Variants in NSMAF observed in about 807,000 individuals in gnomAD.
NSMAF encodes the protein protein FAN.
Under a neutral mutation model 134.9 loss-of-function variants are expected in NSMAF, and 90 were observed. The observed-to-expected ratio is 0.67, with a 90% CI of 0.56 to 0.79. The LOEUF (loss-of-function observed/expected upper bound fraction) is 0.79. Among genes scored for constraint, NSMAF ranks in the 30% least tolerant of loss-of-function variants. The probability of loss-of-function intolerance (pLI) is 0.00; values close to 1 mark genes in which losing one functional copy is unlikely to be tolerated. For missense variants in NSMAF, 1,010 were observed against 1,119.0 expected, an observed-to-expected ratio of 0.90 and a Z score of 1.39; for synonymous variants, 358 against 389.6, an observed-to-expected ratio of 0.92 and a Z score of 0.96.
intron 1 of NSMAF, among the ~76,000 whole-genome samples, 173 bp from the exon 2 acceptor site, chr8:58,643,246 T>C (rs957984997): frequency 1.3e-5 from 2 of 152,232 alleles, no homozygotes; most frequent in Non-Finnish European, 2.9e-5. Context: ...GGGAAGTACA[T>C]AGCTGGGCTT....
At chr8:58,589,884 C>T in intron 25 of NSMAF, 123 bp downstream of exon 25, 1 of 758,276 alleles carries the variant, frequency 1.3e-6, no homozygotes, top group South Asian at 1.8e-5. Flanking sequence ...TCTCTAATAT[C>T]TGTTCCCTTT....
chr8:58,643,236 G>A lies in NSMAF; in HGVS notation c.60-163C>T, dbSNP rs1274163373. ...CAGGCAGTCCTCTCTACCCAGTGGC[G>A]GGAAGTACATAGCTGGGCTTGCCTT... On this transcript the variant is annotated intron_variant, in intron 1 of 30. Coordinates refer to ENST00000038176, the MANE Select transcript of NSMAF (RefSeq NM_003580.4). Among the ~76,000 whole-genome samples, 4 of 152,152 alleles carry A rather than the reference G, an allele frequency of 2.6e-5. No homozygotes were observed. In the South Asian group the frequency reaches 6.2e-4, roughly 24 times the overall value.
intron 5 of NSMAF, among the ~76,000 whole-genome samples, chr8:58,633,442 G>A (rs538901123): frequency 6.6e-6 from 1 of 152,208 alleles, no homozygotes; most frequent in Non-Finnish European, 1.5e-5. Context: ...TCTTTCTAAA[G>A]CAGCATGAGA....
rs538537587 is a variant in NSMAF, at chr8:58,649,181, T to C, written c.60-6108A>G. 3.2e-4 allele frequency among the ~76,000 whole-genome samples: 48 copies of C among 152,240 alleles called. 1 individual carries two copies. In the South Asian group the frequency reaches 9.3e-3, roughly 30 times the overall value. ...GTGTGGGACAAGGAGTCATAGGAGA[T>C]TATTGTGGAGTTTTAAGATTTAATG... is the stretch of plus-strand genomic sequence containing the variant. On this transcript the variant is annotated intron_variant, in intron 1 of 30. Transcript: ENST00000038176.
chr8:58,625,854 T>C (rs1806917235), intron 6 of NSMAF, among the ~76,000 whole-genome samples: 2 of 152,204 alleles, frequency 1.3e-5, no homozygotes, highest in African/African-American at 4.8e-5. Context: ...TCTTTTGTCC[T>C]CTATCTTCCT....
chr8:58,655,678 C>T (rs976978216), intron 1 of NSMAF, among the ~76,000 whole-genome samples: 8 of 152,018 alleles, frequency 5.3e-5, no homozygotes, highest in East Asian at 1.9e-4. Flanking sequence ...GAGGCCGAGG[C>T]GGGCGGATCA....
rs150970885 is a variant in NSMAF, at chr8:58,610,769, G to T, written c.558-1036C>A. On this transcript the variant is annotated intron_variant, in intron 9 of 30. Coordinates refer to ENST00000038176, the MANE Select transcript of NSMAF (RefSeq NM_003580.4). ...AGATCCAAAAATGCTGTCGACTGAG[G>T]TGCAAAACAAGGGAAATCTCCCACA... is the stretch of plus-strand genomic sequence containing the variant. 4.7e-4 allele frequency among the ~76,000 whole-genome samples: 71 copies of T among 152,308 alleles called. 2 individuals carry two copies. In the East Asian group the frequency reaches 0.011, roughly 24 times the overall value.
chr8:58,651,311 A>G (rs1478832171), intron 1 of NSMAF, among the ~76,000 whole-genome samples: 8 of 152,224 alleles, frequency 5.3e-5, no homozygotes, highest in African/African-American at 1.9e-4. Flanking sequence ...CCTATAAATT[A>G]CTGGCCCTTC....
At chr8:58,649,527 C>T (rs1332794562) in intron 1 of NSMAF, among the ~76,000 whole-genome samples, 7 of 152,088 alleles carry the variant, frequency 4.6e-5, no homozygotes, top group Admixed American at 3.9e-4. Context: ...TTGTCCCCTC[C>T]GAATCTCATG....
At chr8:58,657,821 G>A (rs751212615) in intron 1 of NSMAF, among the ~76,000 whole-genome samples, 2 of 152,340 alleles carry the variant, frequency 1.3e-5, no homozygotes, top group South Asian at 2.1e-4. Flanking sequence ...CTCCTGACTG[G>A]ATAGATAAAT....
At chr8:58,602,214 A>T in intron 13 of NSMAF, 77 bp from the exon 14 acceptor site, 1 of 1,114,338 alleles carries the variant, frequency 9.0e-7, no homozygotes, top group Non-Finnish European at 1.3e-6. Flanking sequence ...AAATATACAC[A>T]TTTACTTCCA....
chr8:58,643,212 A>G (rs1807374043), intron 1 of NSMAF, 139 bp from the exon 2 acceptor site: 1 of 673,838 alleles, frequency 1.5e-6, no homozygotes, highest in African/African-American at 1.8e-5. Flanking sequence ...ATATCATGCC[A>G]GGCAGTCCTC....
At chr8:58,597,039 C>T (rs1275077515) in intron 21 of NSMAF, among the ~76,000 whole-genome samples, 1 of 151,814 alleles carries the variant, frequency 6.6e-6, no homozygotes, top group Non-Finnish European at 1.5e-5. Flanking sequence ...GGAAGGCAGA[C>T]TGGACAGCTA....
At chr8:58,623,581 C>T in intron 7 of NSMAF, 128 bp downstream of exon 7, 4 of 1,064,064 alleles carry the variant, frequency 3.8e-6, no homozygotes, top group Non-Finnish European at 5.6e-6. Context: ...TTAAACTCAA[C>T]ATTTTAAGTC....
intron 2 of NSMAF, chr8:58,640,072 T>G (rs1402910067): frequency 2.2e-6 from 1 of 455,546 alleles, no homozygotes; most frequent in Non-Finnish European, 4.4e-6. Flanking sequence ...CTGGGCAAAG[T>G]GCACAAGTTG....
Position 58,594,576 on chromosome 8 carries a change from TCTC to T in NSMAF, c.1893-289_1893-287del, listed in dbSNP as rs546658426. The T allele has an allele frequency of 2.5e-3, 1,052 of 417,306 alleles. 1 individual carries two copies. The highest frequency in any genetic ancestry group is 3.7e-3 in the Non-Finnish European group (852 of 233,070). 25.9% of individuals were successfully genotyped at this position (417,306 alleles called of 1,614,324 possible). A position where few individuals can be genotyped will look rare whatever the true frequency, so the allele number is the denominator to read the frequency against. On this transcript the variant is annotated intron_variant, in intron 22 of 30. Coordinates refer to ENST00000038176, the MANE Select transcript of NSMAF (RefSeq NM_003580.4). ...CAATTTCTGGCAATTGGAAAACTCT[TCTC>T]CTTCTATTCCCCCTCGTTTGACCAT...
At chr8:58,606,071 C>T in intron 11 of NSMAF, 36 bp from the exon 12 acceptor site, 1 of 873,658 alleles carries the variant, frequency 1.1e-6, no homozygotes, top group Non-Finnish European at 1.6e-6. Flanking sequence ...AAATAAATAG[C>T]ATTGTATTCA....
At chr8:58,590,706 T>C (rs1335326096) in intron 24 of NSMAF, among the ~76,000 whole-genome samples, 161 bp downstream of exon 24, 2 of 152,132 alleles carry the variant, frequency 1.3e-5, no homozygotes, top group South Asian at 2.1e-4. Flanking sequence ...TGAAAAAAAT[T>C]TTACATTGAA....
intron 2 of NSMAF, among the ~76,000 whole-genome samples, chr8:58,639,542 CAG>C (rs1052065000): frequency 6.6e-6 from 1 of 152,122 alleles, no homozygotes; most frequent in African/African-American, 2.4e-5. Flanking sequence ...GAAAACAGTA[CAG>C]AGGTTTCTCA....
Sources: allele counts gnomAD v4.1 joint callset (sites outside exome capture counted in the v4.1 genomes callset), GRCh38; gene constraint gnomAD v4.1.1; transcripts MANE v1.5; gene names NCBI Gene and HGNC (gene_info 2026-07-23, HGNC 2026-07-21).